Variants in LHFPL3 observed in about 807,000 individuals in gnomAD.
The protein encoded by LHFPL3 is LHFPL tetraspan subfamily member 3.
Under a neutral mutation model 19.3 loss-of-function variants are expected in LHFPL3, and 5 were observed. That is an observed-to-expected ratio of 0.26 (90% confidence interval 0.14 to 0.54). The LOEUF (loss-of-function observed/expected upper bound fraction) is 0.54, where lower values mean the gene tolerates loss of function less well. LHFPL3 is among the 20% of genes least tolerant of loss of function. The pLI is 0.94. For synonymous variants in LHFPL3, 133 were observed against 126.2 expected (o/e 1.05, Z -0.36); for missense variants, 249 against 307.4 (o/e 0.81, Z 1.42).
intron 1 of LHFPL3, among the ~76,000 whole-genome samples, chr7:104,558,867 G>T (rs1219933687): frequency 6.9e-6 from 1 of 144,924 alleles, no homozygotes; most frequent in East Asian, 1.9e-4. Context: ...TAAGGTGTAA[G>T]GAAGGGATCC....
chr7:104,420,554 A>AT (rs71153195), intron 1 of LHFPL3, among the ~76,000 whole-genome samples: 45,868 of 111,186 alleles, frequency 0.41, 11,026 homozygotes, highest in South Asian at 0.56. Flanking sequence ...CAAAGGGTGA[A>AT]TTTTTTTTTT....
intron 1 of LHFPL3, among the ~76,000 whole-genome samples, chr7:104,532,108 TTTC>T (rs1484538999): frequency 1.3e-5 from 2 of 152,096 alleles, no homozygotes; most frequent in African/African-American, 4.8e-5. Flanking sequence ...GTTTTTTGCA[TTTC>T]TTGTTTATTT....
At chr7:104,346,662 G>A (rs1790072774) in intron 1 of LHFPL3, among the ~76,000 whole-genome samples, 1 of 136,238 alleles carries the variant, frequency 7.3e-6, no homozygotes, top group South Asian at 2.4e-4. Context: ...CGTATGTAGT[G>A]TAGTAGATTT....
intron 2 of LHFPL3, among the ~76,000 whole-genome samples, chr7:104,896,505 A>G (rs543463657): frequency 6.6e-6 from 1 of 152,338 alleles, no homozygotes; most frequent in Admixed American, 6.5e-5. Context: ...AGATAAGAAC[A>G]GTTCAGGAAG....
intron 1 of LHFPL3, among the ~76,000 whole-genome samples, chr7:104,586,365 C>A (rs1370051067): frequency 6.6e-6 from 1 of 152,088 alleles, no homozygotes; most frequent in African/African-American, 2.4e-5. Flanking sequence ...CTATTCCTTC[C>A]ACCCACAAGT....
intron 2 of LHFPL3, among the ~76,000 whole-genome samples, chr7:104,828,497 A>G (rs1790868578): frequency 1.3e-5 from 2 of 151,936 alleles, no homozygotes; most frequent in South Asian, 4.1e-4. Flanking sequence ...CAGATGCCCA[A>G]ATATCATTCT....
At chr7:104,668,355 C>G (rs1403969753) in intron 1 of LHFPL3, 5 of 1,593,938 alleles carry the variant, frequency 3.1e-6, no homozygotes, top group Admixed American at 1.7e-5. Context: ...GAGGGCTCGT[C>G]CTGCTACAGA....
At chr7:104,631,161 C>A (rs2385250) in intron 1 of LHFPL3, among the ~76,000 whole-genome samples, 111,364 of 151,960 alleles carry the variant, frequency 0.73, 41,945 homozygotes, top group Non-Finnish European at 0.83. Context: ...ACAACAACAA[C>A]AAAGCATTTA....
chr7:104,669,106 G>T (rs1439300655), intron 1 of LHFPL3: 2 of 1,612,768 alleles, frequency 1.2e-6, no homozygotes, highest in African/African-American at 1.3e-5. Flanking sequence ...TAAGGAGGAA[G>T]ATTGCCACTC....
chr7:104,762,710 A>G (rs1002885076), intron 2 of LHFPL3, among the ~76,000 whole-genome samples: 1 of 152,162 alleles, frequency 6.6e-6, no homozygotes, highest in Non-Finnish European at 1.5e-5. Context: ...TGTAGTCATT[A>G]TTTCACTTAA....
chr7:104,865,162 G>C (rs982928238), intron 2 of LHFPL3, among the ~76,000 whole-genome samples: 6 of 152,184 alleles, frequency 3.9e-5, no homozygotes, highest in African/African-American at 1.4e-4. Flanking sequence ...CTAAAAATCA[G>C]AGCGCCTCTC....
At chr7:104,845,144 G>T (rs1266782444) in intron 2 of LHFPL3, among the ~76,000 whole-genome samples, 1 of 152,196 alleles carries the variant, frequency 6.6e-6, no homozygotes, top group Admixed American at 6.5e-5. Context: ...GCACGGGAAG[G>T]TAAGACACTT....
Position 104,908,278 on chromosome 7 carries a change from G to A in LHFPL3, c.*2063G>A, listed in dbSNP as rs1167943313. Among the ~76,000 whole-genome samples the A allele has an allele frequency of 5.9e-5, 9 of 152,034 alleles. No individual in the cohort carries two copies. The highest frequency in any genetic ancestry group is 5.9e-4 in the Admixed American group (9 of 15,264). On this transcript the variant is annotated 3_prime_UTR_variant, in exon 3 of 3. Transcript: ENST00000424859. ...TGCCATAAAACCTAAGTGTAATTTA[G>A]CATACCACAGTGCTCTGAAGATGGG... is the stretch of plus-strand genomic sequence containing the variant.
At chr7:104,468,727 C>T (rs576574965) in intron 1 of LHFPL3, among the ~76,000 whole-genome samples, 11 of 148,990 alleles carry the variant, frequency 7.4e-5, no homozygotes, top group African/African-American at 7.4e-5. Context: ...GGTGCGATCT[C>T]GGCTCACTGC....
intron 2 of LHFPL3, among the ~76,000 whole-genome samples, chr7:104,780,216 C>A (rs78307344): frequency 0.017 from 2,543 of 152,260 alleles, 37 homozygotes; most frequent in Non-Finnish European, 0.024. Flanking sequence ...AGGTCTAGTG[C>A]AGAAGCTTCC....
rs530477364 is a variant in LHFPL3 at position 104,510,831 on chromosome 7, T to A, written c.445+181607T>A. Among the ~76,000 whole-genome samples, 32 of 152,252 alleles carry A rather than the reference T, an allele frequency of 2.1e-4. 1 individual carries two copies. In the South Asian group the frequency reaches 6.6e-3, roughly 32 times the overall value. On this transcript the variant is annotated intron_variant, in intron 1 of 2. Transcript: ENST00000424859. Reference sequence around the variant, plus strand: ...ACCAAATACCACATGTTCTCACTTATAAGTGGGAGCTAAATAATGAGAATA... The same window carrying A: ...ACCAAATACCACATGTTCTCACTTAAAAGTGGGAGCTAAATAATGAGAATA...
intron 1 of LHFPL3, among the ~76,000 whole-genome samples, chr7:104,525,993 T>C (rs1794181677): frequency 6.6e-6 from 1 of 152,144 alleles, no homozygotes; most frequent in African/African-American, 2.4e-5. Flanking sequence ...AGGGCACTGC[T>C]GGAAGAGCCT....
intron 2 of LHFPL3, among the ~76,000 whole-genome samples, chr7:104,760,857 T>C (rs1467085392): frequency 6.6e-6 from 1 of 152,056 alleles, no homozygotes; most frequent in African/African-American, 2.4e-5. Flanking sequence ...GTAGGGGCCT[T>C]TCCATTCCTC....
chr7:104,642,140 C>T (rs1403650801), intron 1 of LHFPL3, among the ~76,000 whole-genome samples: 1 of 146,696 alleles, frequency 6.8e-6, no homozygotes, highest in Non-Finnish European at 1.5e-5. Context: ...CAGGTTCAAG[C>T]GATTCTCATG....
Sources: gnomAD v4.1 joint callset for allele counts (sites outside exome capture counted in the v4.1 genomes callset) on GRCh38, gnomAD v4.1.1 for gene constraint, MANE v1.5 for transcripts, NCBI Gene and HGNC (gene_info 2026-07-23, HGNC 2026-07-21) for gene names.